Variants in SHARPIN observed in about 807,000 individuals in gnomAD.
SHARPIN encodes hSIPL1.
In SHARPIN, 25 loss-of-function variants were observed where a neutral mutation model predicts 40.3. The ratio of observed to expected loss-of-function variants is 0.62; its 90% confidence interval spans 0.45 to 0.87. SHARPIN has a LOEUF of 0.87. Among genes scored for constraint, SHARPIN ranks in the 40% least tolerant of loss-of-function variants. The pLI, the probability that SHARPIN is intolerant of heterozygous loss-of-function variation, is 0.00. For missense variants in SHARPIN, 551 were observed against 516.1 expected (o/e 1.07, Z -0.66); for synonymous variants, 274 against 221.8 (o/e 1.24, Z -2.09).
At position 144,099,147 on chromosome 8, in the gene SHARPIN, A is replaced by T; in HGVS notation, c.981T>A (p.Phe327Leu). 1 of 1,590,908 alleles carries T rather than the reference A, an allele frequency of 6.3e-7. No homozygotes were observed. Among genetic ancestry groups the T allele is most frequent in the East Asian group, 2.2e-5 (1 of 44,638 alleles). ...QKMDGELGRLFPPSLGLPPGP... is the reference protein window; with the variant it reads ...QKMDGELGRLLPPSLGLPPGP... ...CTGGGGGTAGCCCCAATGATGGGGG[A>T]AACAAGCGTCCAAGTTCCCCGTCCA... The change falls in exon 7 of 9, where the codon TTT (phenylalanine) becomes TTA (leucine). Residue 327 changes from phenylalanine to leucine, a missense_variant. Physicochemically the swap from Phe to Leu is conservative, Grantham distance 22. Transcript: ENST00000398712.
rs1190801516 is a variant in SHARPIN at position 144,099,377 on chromosome 8, C to T, written c.822G>A (p.Arg274=). 8 of 1,613,876 alleles carry T rather than the reference C, an allele frequency of 5.0e-6. No individual in the cohort carries two copies. In the East Asian group the frequency reaches 1.8e-4, roughly 36 times the overall value. Residue 274 remains arginine (R), a synonymous_variant, in exon 6 of 9, where the codon CGG becomes CGA. Coordinates refer to ENST00000398712, the MANE Select transcript of SHARPIN (RefSeq NM_030974.4). ...PPAVQRWVIG[R]CLCVPERSLA... ...GGCTGCGCTCAGGCACACACAGGCA[C>T]CGTCCGATGACCCAGCGTTGCACGG... is the stretch of plus-strand genomic sequence containing the variant.
In SHARPIN at chr8:144,099,623, G is replaced by A. The variant is rs759455122; in HGVS notation, c.660-5C>T. 4 of 1,613,860 alleles carry A rather than the reference G, an allele frequency of 2.5e-6. No individual in the cohort carries two copies. The highest frequency in any genetic ancestry group is 3.4e-6 in the Non-Finnish European group (4 of 1,179,862). On this transcript the variant is annotated splice_polypyrimidine_tract_variant and splice_region_variant and intron_variant, in intron 4 of 8. Transcript: ENST00000398712. ...TCTTCAAGTGTGACCTGCAGCCTGT[G>A]CCAGAATGTGGGTTCAGGGATGGAT...
In SHARPIN at chr8:144,098,784, G is replaced by C. The variant is rs1836220421; in HGVS notation, c.*17C>G. 8.1e-6 allele frequency: 8 copies of C among 993,726 alleles called. No individual in the cohort carries two copies. The East Asian group carries it at 2.2e-4, about 27-fold the overall frequency. The allele number at this position is 993,726 out of a possible 1,614,324, so 61.6% of individuals were successfully genotyped here. On this transcript the variant is annotated 3_prime_UTR_variant, in exon 9 of 9. Transcript: ENST00000398712. Reference sequence around the variant, plus strand: ...GTGAGGGAAGGGCCACTCTCCCCTTGTAACCTGTGGGGGAGGAGCTGGGTC... The same window carrying C: ...GTGAGGGAAGGGCCACTCTCCCCTTCTAACCTGTGGGGGAGGAGCTGGGTC...
chr8:144,099,343 A>G lies in SHARPIN; in HGVS notation c.856T>C (p.Tyr286His), dbSNP rs1836236574. The G allele has an allele frequency of 1.9e-6, 3 of 1,613,988 alleles. No homozygotes were observed. The highest frequency in any genetic ancestry group is 2.5e-6 in the Non-Finnish European group (3 of 1,180,000). ...LCVPERSLASYGVRQDGDPAF... is the reference protein window; with the variant it reads ...LCVPERSLASHGVRQDGDPAF... ...GGGTCCCCATCCTGCCGAACCCCGT[A>G]AGAGGCAAGGCTGCGCTCAGGCACA... The change falls in exon 6 of 9, where the codon TAC becomes CAC. Residue 286 changes from tyrosine (Y) to histidine (H), a missense_variant. By Grantham distance (83) the Tyr-to-His change is moderately conservative. Transcript: ENST00000398712.
Position 144,099,024 on chromosome 8 carries a change from C to G in SHARPIN, c.1048-30G>C, listed in dbSNP as rs1836226302. ...GGGAAGAGAGACAGTTGTTGCTTCC[C>G]TGCTCTTTCCAATGCCCATGGCTGT... On this transcript the variant is annotated intron_variant, in intron 7 of 8. Transcript: ENST00000398712. 4 of 1,596,578 alleles carry G rather than the reference C, an allele frequency of 2.5e-6. No individual in the cohort carries two copies. The East Asian group carries it at 8.9e-5, about 36-fold the overall frequency.
At position 144,103,178 on chromosome 8, in the gene SHARPIN, G is replaced by A. The variant is rs1267402074; in HGVS notation, c.249C>T (p.Gly83=). The A allele has an allele frequency of 6.2e-7, 1 of 1,613,462 alleles. No individual in the cohort carries two copies. Residue 83 remains glycine (G), a synonymous_variant, in exon 2 of 9, where the codon GGC becomes GGT. Transcript: ENST00000398712. Reference sequence around the variant, plus strand: ...GAGGCTGTAGCTCGTGCTGGGTGGGGCCTCGGATGGTGTAGGAAACTGACT... The same window carrying A: ...GAGGCTGTAGCTCGTGCTGGGTGGGACCTCGGATGGTGTAGGAAACTGACT... ...PLESVSYTIR[G]PTQHELQPPP...
At chr8:144,099,644 T>C in intron 4 of SHARPIN, 26 bp from the exon 5 acceptor site, 2 of 1,613,328 alleles carry the variant, frequency 1.2e-6, no homozygotes, top group Non-Finnish European at 1.7e-6. Flanking sequence ...GGTTCAGGGA[T>C]GGATGGGGGA....
chr8:144,099,946 C>A lies in SHARPIN; in HGVS notation c.500G>T (p.Gly167Val), dbSNP rs759843484. The change falls in exon 3 of 9, where the codon GGA (glycine) becomes GTA (valine). Residue 167 changes from glycine to valine, a missense_variant. Gly to Val is a moderately radical substitution (Grantham distance 109). Coordinates refer to ENST00000398712, the MANE Select transcript of SHARPIN (RefSeq NM_030974.4). The stretch of plus-strand genomic sequence containing the variant: ...ACCTGTACCTCTCTCCGTCAAGTTT[C>A]CAGGGCTCCTAGGAAGATCTGCCTC... ...PPEADLPRSP[G>V]NLTEREELAG... 6.9e-7 allele frequency: 1 copy of A among 1,439,300 alleles called. No homozygotes were observed. Among genetic ancestry groups the A allele is most frequent in the Non-Finnish European group, 9.3e-7 (1 of 1,071,448 alleles). 89.2% of individuals were successfully genotyped at this position (1,439,300 alleles called of 1,614,324 possible). A position where few individuals can be genotyped will look rare whatever the true frequency, so the allele number is the denominator to read the frequency against.
Position 144,098,865 on chromosome 8 carries a change from C to A in SHARPIN, c.*12+1G>T. ...TCCCCTGCCTGTGCCACCTCTGGTA[C>A]CTCTGGTGGCTGCTAGGTGGAAGCT... On this transcript the variant is annotated splice_donor_variant, in intron 8 of 8. Coordinates refer to ENST00000398712, the MANE Select transcript of SHARPIN (RefSeq NM_030974.4). LOFTEE classifies it low-confidence loss of function (3UTR_SPLICE). 6.4e-7 allele frequency: 1 copy of A among 1,574,012 alleles called. No homozygotes were observed. Among genetic ancestry groups the A allele is most frequent in the Non-Finnish European group, 8.6e-7 (1 of 1,163,382 alleles).
intron 1 of SHARPIN, 133 bp from the exon 2 acceptor site, chr8:144,103,358 C>A: frequency 8.6e-7 from 1 of 1,158,170 alleles, no homozygotes; most frequent in Non-Finnish European, 1.2e-6. Flanking sequence ...CAAATCCTCA[C>A]AATAGCCCTG....
rs757103477 is a variant in SHARPIN, at chr8:144,099,853, T to C, written c.518-9A>G. Reference sequence around the variant, plus strand: ...GCTCCCTGCCAGCTCTTCTGCAGGGTAAGGAAAGGACAGCTGTCACCACTG... The same window carrying C: ...GCTCCCTGCCAGCTCTTCTGCAGGGCAAGGAAAGGACAGCTGTCACCACTG... On this transcript the variant is annotated splice_polypyrimidine_tract_variant and intron_variant, in intron 3 of 8. Coordinates refer to ENST00000398712, the MANE Select transcript of SHARPIN (RefSeq NM_030974.4). 4 of 1,611,862 alleles carry C rather than the reference T, an allele frequency of 2.5e-6. No individual in the cohort carries two copies. Among genetic ancestry groups the C allele is most frequent in the Non-Finnish European group, 3.4e-6 (4 of 1,179,824 alleles).
rs1836222636 is a variant in SHARPIN at position 144,098,881 on chromosome 8, G to C, written c.1161C>G (p.Thr387=). 1.9e-6 allele frequency: 3 copies of C among 1,585,912 alleles called. No homozygotes were observed. Among genetic ancestry groups the C allele is most frequent in the South Asian group, 2.3e-5 (2 of 87,644 alleles). The part of the protein sequence containing the change: ...CTWDPLAAAS[T] ...CCTCTGGTACCTCTGGTGGCTGCTA[G>C]GTGGAAGCTGCAGCAAGGGGGTCCC... The change falls in exon 8 of 9, where the codon ACC becomes ACG. Residue 387 remains threonine (T), a synonymous_variant. Transcript: ENST00000398712.
In SHARPIN at chr8:144,099,382, C is replaced by G; in HGVS notation, c.817G>C (p.Gly273Arg). 1 of 1,613,754 alleles carries G rather than the reference C, an allele frequency of 6.2e-7. No homozygotes were observed. Among genetic ancestry groups the G allele is most frequent in the African/African-American group, 1.3e-5 (1 of 75,044 alleles). Residue 273 changes from glycine to arginine, a missense_variant, in exon 6 of 9, where the codon GGA becomes CGA. By Grantham distance (125) the Gly-to-Arg change is moderately radical. Coordinates refer to ENST00000398712, the MANE Select transcript of SHARPIN (RefSeq NM_030974.4). Reference protein sequence around the residue: ...FPPAVQRWVIGRCLCVPERSL... With the variant: ...FPPAVQRWVIRRCLCVPERSL... The stretch of plus-strand genomic sequence containing the variant: ...CGCTCAGGCACACACAGGCACCGTC[C>G]GATGACCCAGCGTTGCACGGCTGGC...
intron 2 of SHARPIN, among the ~76,000 whole-genome samples, chr8:144,102,083 C>T (rs945967563): frequency 6.6e-6 from 1 of 152,086 alleles, no homozygotes; most frequent in African/African-American, 2.4e-5. Context: ...TTTAAGCAGC[C>T]ATGTGAGCCA....
chr8:144,100,247 T>C (rs1836264078), intron 2 of SHARPIN, among the ~76,000 whole-genome samples, 178 bp from the exon 3 acceptor site: 1 of 152,240 alleles, frequency 6.6e-6, no homozygotes, highest in African/African-American at 2.4e-5. Context: ...CAGAGGCCCC[T>C]GCCAGACTTC....
rs992620217 is a variant in SHARPIN, at chr8:144,103,557, C to T, written c.197G>A (p.Gly66Glu). Residue 66 changes from glycine to glutamate, a missense_variant, in exon 1 of 9, where the codon GGG becomes GAG. Physicochemically the swap from Gly to Glu is moderately conservative, Grantham distance 98 (BLOSUM62 -2). Coordinates refer to ENST00000398712, the MANE Select transcript of SHARPIN (RefSeq NM_030974.4). ...GCGCCCTCCGCCCCCACTCACCGCCCCAGGTCCCGCGCCCAGCAGCTCCAG... is the reference window on the plus strand; with the variant it reads ...GCGCCCTCCGCCCCCACTCACCGCCTCAGGTCCCGCGCCCAGCAGCTCCAG... ...FRLELLGAGP[G>E]AVNLEWPLES... 1.6e-5 allele frequency: 24 copies of T among 1,531,690 alleles called. No homozygotes were observed. In the African/African-American group the frequency reaches 3.2e-4, roughly 20 times the overall value. The allele number at this position is 1,531,690 out of a possible 1,614,324, so 94.9% of individuals were successfully genotyped here. A position where few individuals can be genotyped will look rare whatever the true frequency, so the allele number is the denominator to read the frequency against.
Position 144,099,130 on chromosome 8 carries a change from A to G in SHARPIN, c.998T>C (p.Leu333Pro). ...LGRLFPPSLG[L>P]PPGPQPAASS... ...GGCAGCTGGCTGGGGGCCTGGGGGT[A>G]GCCCCAATGATGGGGGAAACAAGCG... Residue 333 changes from leucine to proline, a missense_variant, in exon 7 of 9, where the codon CTA becomes CCA. Leu to Pro is a moderately conservative substitution (Grantham distance 98). Coordinates refer to ENST00000398712, the MANE Select transcript of SHARPIN (RefSeq NM_030974.4). 1 of 1,589,806 alleles carries G rather than the reference A, an allele frequency of 6.3e-7. No individual in the cohort carries two copies. The highest frequency in any genetic ancestry group is 8.6e-7 in the Non-Finnish European group (1 of 1,168,414).
chr8:144,099,900 A>ACC, intron 3 of SHARPIN, 29 bp downstream of exon 3: 1 of 1,170,552 alleles, frequency 8.5e-7, no homozygotes, highest in Non-Finnish European at 1.2e-6. Flanking sequence ...CTATCCCCGA[A>ACC]CCCCCCAACC....
At chr8:144,102,701 A>T in intron 2 of SHARPIN, 1 of 399,132 alleles carries the variant, frequency 2.5e-6, no homozygotes, top group South Asian at 2.4e-5. Context: ...CACTCCTGTC[A>T]CTCTCCTGCT....
Sources: gnomAD v4.1 joint callset for allele counts (sites outside exome capture counted in the v4.1 genomes callset) on GRCh38, gnomAD v4.1.1 for gene constraint, MANE v1.5 for transcripts, NCBI Gene and HGNC (gene_info 2026-07-23, HGNC 2026-07-21) for gene names.